ADAM12: variants seen among roughly 807,000 people sequenced by gnomAD.
The protein encoded by ADAM12 is ADAM metallopeptidase domain 12.
A neutral mutation model predicts 106.4 loss-of-function variants in ADAM12; 70 were observed. The observed-to-expected ratio is 0.66, with a 90% CI of 0.54 to 0.80. The LOEUF (loss-of-function observed/expected upper bound fraction) is 0.80. Ranked by LOEUF, ADAM12 falls within the 30% of genes least tolerant of loss-of-function variation. The pLI, the probability that ADAM12 is intolerant of heterozygous loss-of-function variation, is 0.00. For synonymous variants in ADAM12, 420 were observed against 433.5 expected, an observed-to-expected ratio of 0.97 and a Z score of 0.39; for missense variants, 1,010 against 1,171.9, an observed-to-expected ratio of 0.86 and a Z score of 2.02.
At chr10:126,286,402 A>G (rs913338893) in intron 2 of ADAM12, among the ~76,000 whole-genome samples, 1 of 152,154 alleles carries the variant, frequency 6.6e-6, no homozygotes, top group Non-Finnish European at 1.5e-5. Flanking sequence ...AGCCAAAGTC[A>G]TTCATCTCAA....
chr10:126,040,901 C>T (rs1954150944), intron 18 of ADAM12, among the ~76,000 whole-genome samples: 1 of 152,124 alleles, frequency 6.6e-6, no homozygotes, highest in African/African-American at 2.4e-5. Flanking sequence ...TCCCTCTTCC[C>T]CAGGACCAGC....
intron 20 of ADAM12, 80 bp from the exon 21 acceptor site, chr10:126,036,405 C>G (rs1954061483): frequency 6.9e-7 from 1 of 1,453,092 alleles, no homozygotes; most frequent in African/African-American, 1.5e-5. Context: ...GCAGTGCTAA[C>G]TCATCTGTTA....
intron 21 of ADAM12, among the ~76,000 whole-genome samples, chr10:126,020,155 TC>T (rs1459536966): frequency 6.6e-6 from 1 of 152,152 alleles, no homozygotes; most frequent in Non-Finnish European, 1.5e-5. Context: ...GCTTCTCTGT[TC>T]ACCCTAAAAT....
At chr10:126,044,562 A>G (rs1298060378) in intron 17 of ADAM12, among the ~76,000 whole-genome samples, 2 of 152,214 alleles carry the variant, frequency 1.3e-5, no homozygotes, top group African/African-American at 4.8e-5. Flanking sequence ...AATCAATCCT[A>G]AAGGCCTCAG....
chr10:126,067,144 G>C (rs1244512688), intron 12 of ADAM12: 2 of 278,794 alleles, frequency 7.2e-6, no homozygotes, highest in Admixed American at 8.4e-5. Context: ...TCATTGCAGT[G>C]GACTGCATCA....
At chr10:126,185,742 C>T (rs1010150669) in intron 3 of ADAM12, among the ~76,000 whole-genome samples, 5 of 152,130 alleles carry the variant, frequency 3.3e-5, no homozygotes, top group Admixed American at 3.3e-4. Context: ...TGCACAGTGG[C>T]TGGAGCTACA....
Position 126,086,699 on chromosome 10 carries a change from ATATAT to A in ADAM12, c.1145+7281_1145+7285del, listed in dbSNP as rs1565045843. Among the ~76,000 whole-genome samples the A allele has an allele frequency of 8.4e-4, 82 of 98,184 alleles. 5 individuals carry two copies. Among genetic ancestry groups the A allele is most frequent in the African/African-American group, 3.5e-3 (80 of 23,036 alleles). The allele number at this position is 98,184 out of a possible 152,430, so 64.4% of individuals were successfully genotyped here. A position where few individuals can be genotyped will look rare whatever the true frequency, so the allele number is the denominator to read the frequency against. The stretch of plus-strand genomic sequence containing the variant: ...AAAAAAAATATATATATATATATAT[ATATAT>A]ATAAAATAAAATAGGTATAGTCATG... On this transcript the variant is annotated intron_variant, in intron 11 of 22. Coordinates refer to ENST00000448723, the MANE Select transcript of ADAM12 (RefSeq NM_001288973.2).
At chr10:126,095,721 G>C (rs1009413415) in intron 10 of ADAM12, among the ~76,000 whole-genome samples, 1 of 151,806 alleles carries the variant, frequency 6.6e-6, no homozygotes, top group Admixed American at 6.6e-5. Flanking sequence ...GTGATCCCCC[G>C]CACTGCCTTG....
At chr10:126,176,059 C>T (rs1427727887) in intron 3 of ADAM12, among the ~76,000 whole-genome samples, 2 of 152,236 alleles carry the variant, frequency 1.3e-5, no homozygotes, top group Non-Finnish European at 2.9e-5. Flanking sequence ...AGAGAAAGAT[C>T]TGTTCCAAGA....
intron 3 of ADAM12, among the ~76,000 whole-genome samples, chr10:126,238,713 A>C (rs1220243289): frequency 6.6e-6 from 1 of 152,212 alleles, no homozygotes; most frequent in Non-Finnish European, 1.5e-5. Flanking sequence ...GAACACGTAC[A>C]ATATTATGCT....
chr10:126,224,618 T>G (rs1188708939), intron 3 of ADAM12, among the ~76,000 whole-genome samples: 1 of 152,216 alleles, frequency 6.6e-6, no homozygotes, highest in Non-Finnish European at 1.5e-5. Flanking sequence ...CAAGGGCATC[T>G]TCCCATAATA....
chr10:126,108,772 A>T (rs1955820031), intron 7 of ADAM12, 108 bp from the exon 8 acceptor site: 1 of 979,944 alleles, frequency 1.0e-6, no homozygotes, highest in Non-Finnish European at 1.6e-6. Context: ...ACCACTGGGG[A>T]CCCTCCACAG....
intron 5 of ADAM12, among the ~76,000 whole-genome samples, chr10:126,125,688 T>C (rs181502421): frequency 3.3e-5 from 5 of 151,930 alleles, no homozygotes; most frequent in Non-Finnish European, 1.5e-5. Flanking sequence ...CCAGAAAAGA[T>C]ATGTTTAAGT....
At chr10:126,091,639 G>A (rs548468283) in intron 11 of ADAM12, among the ~76,000 whole-genome samples, 16 of 152,192 alleles carry the variant, frequency 1.1e-4, no homozygotes, top group African/African-American at 1.9e-4. Flanking sequence ...ATGATTTGTC[G>A]AGCTCTTAAC....
intron 21 of ADAM12, among the ~76,000 whole-genome samples, chr10:126,032,012 G>A (rs1402447001): frequency 6.6e-6 from 1 of 152,150 alleles, no homozygotes; most frequent in Non-Finnish European, 1.5e-5. Flanking sequence ...TATGTTTGTG[G>A]ACAAGAGGGT....
chr10:126,236,393 G>A (rs1230056938), intron 3 of ADAM12, among the ~76,000 whole-genome samples: 1 of 152,204 alleles, frequency 6.6e-6, no homozygotes, highest in South Asian at 2.1e-4. Context: ...GCAAACCTGC[G>A]AGCTCAGGCT....
chr10:126,180,384 G>A (rs184214565), intron 3 of ADAM12, among the ~76,000 whole-genome samples: 132 of 152,166 alleles, frequency 8.7e-4, no homozygotes, highest in Admixed American at 2.1e-3. Flanking sequence ...CCCAGCAACC[G>A]ACCTCAGGAG....
chr10:126,352,889 G>T (rs1855410839), intron 1 of ADAM12, among the ~76,000 whole-genome samples: 1 of 152,210 alleles, frequency 6.6e-6, no homozygotes, highest in Admixed American at 6.5e-5. Flanking sequence ...AGCTCCCAGG[G>T]AATGGTTTCA....
intron 7 of ADAM12, 101 bp from the exon 8 acceptor site, chr10:126,108,765 A>G: frequency 9.4e-7 from 1 of 1,059,256 alleles, no homozygotes. Flanking sequence ...TTTACAAACC[A>G]CTGGGGACCC....
Sources: gnomAD v4.1 joint callset for allele counts (sites outside exome capture counted in the v4.1 genomes callset) on GRCh38, gnomAD v4.1.1 for gene constraint, MANE v1.5 for transcripts, NCBI Gene and HGNC (gene_info 2026-07-23, HGNC 2026-07-21) for gene names.